Variants in SHANK2 observed in about 807,000 individuals in gnomAD.
SHANK2 encodes SH3 and multiple ankyrin repeat domains protein 2.
SHANK2 carries 43 observed loss-of-function variants against 133.7 expected under a neutral mutation model. The ratio of observed to expected loss-of-function variants is 0.32; its 90% CI spans 0.25 to 0.41. SHANK2 has a LOEUF of 0.41. SHANK2 is among the 10% of genes least tolerant of loss of function. SHANK2 has a pLI of 1.00. For missense variants in SHANK2, 1,994 were observed against 2,235.8 expected, an observed-to-expected ratio of 0.89 and a Z score of 2.18; for synonymous variants, 1,017 against 952.8, an observed-to-expected ratio of 1.07 and a Z score of -1.24.
chr11:71,182,323 A>C (rs1414243343), intron 2 of SHANK2, among the ~76,000 whole-genome samples: 1 of 152,208 alleles, frequency 6.6e-6, no homozygotes, highest in Non-Finnish European at 1.5e-5. Flanking sequence ...TAGATGGAAC[A>C]GCCTTGAAGA....
chr11:70,472,869 T>C lies in SHANK2; in HGVS notation c.5550A>G (p.Ter1850=), dbSNP rs1177523841. 3.7e-6 allele frequency: 6 copies of C among 1,613,920 alleles called. No homozygotes were observed. The highest frequency in any genetic ancestry group is 5.1e-6 in the Non-Finnish European group (6 of 1,179,770). Residue 1850 remains the stop codon, a stop_retained_variant, in exon 26 of 26, where the codon TAA becomes TAG. Coordinates refer to ENST00000601538, the MANE Select transcript of SHANK2 (RefSeq NM_012309.5). This position sits in a 1 kb window ranked among gnomAD's most constrained non-coding sequence, Gnocchi z 4.4. The part of the protein sequence containing the change: ...ERALKQLLDR[*] ...TCTGCGAGGTGGAGAGCAGCCGTCC[T>C]TATCTGTCCAGCAGCTGTTTCAAAG...
chr11:71,081,827 A>G (rs1346969437), intron 8 of SHANK2, among the ~76,000 whole-genome samples: 4 of 152,202 alleles, frequency 2.6e-5, no homozygotes, highest in African/African-American at 9.6e-5. Flanking sequence ...CACGGGGGCC[A>G]CAGAGGCTCG....
chr11:70,710,631 G>A (rs1219074688), intron 14 of SHANK2, among the ~76,000 whole-genome samples: 2 of 152,238 alleles, frequency 1.3e-5, no homozygotes, highest in Admixed American at 6.5e-5. Flanking sequence ...TCTGGCGGGT[G>A]GCAGAAGGGG....
chr11:70,870,950 G>C (rs1949449742), intron 11 of SHANK2, among the ~76,000 whole-genome samples: 2 of 152,122 alleles, frequency 1.3e-5, no homozygotes, highest in African/African-American at 2.4e-5. Context: ...GCTAATCTTT[G>C]TATTTTTAGT....
At chr11:70,720,751 A>G (rs1555028866) in intron 14 of SHANK2, among the ~76,000 whole-genome samples, 1 of 136,242 alleles carries the variant, frequency 7.3e-6, no homozygotes, top group Non-Finnish European at 1.6e-5. Context: ...GTGAACATAC[A>G]CACACACATT....
At chr11:70,755,519 CAGAG>C (rs1946848803) in intron 14 of SHANK2, among the ~76,000 whole-genome samples, 1 of 152,222 alleles carries the variant, frequency 6.6e-6, no homozygotes, top group African/African-American at 2.4e-5. Flanking sequence ...GGCACCCGGG[CAGAG>C]CCAGTGGCTT....
intron 10 of SHANK2, among the ~76,000 whole-genome samples, chr11:70,911,416 A>G (rs1950190302): frequency 6.6e-6 from 1 of 152,158 alleles, no homozygotes. Flanking sequence ...TTCTCAGAGC[A>G]GGGGGTTAGC....
intron 11 of SHANK2, among the ~76,000 whole-genome samples, chr11:70,880,904 T>A (rs1305595092): frequency 1.3e-5 from 2 of 152,238 alleles, no homozygotes; most frequent in Non-Finnish European, 2.9e-5. Flanking sequence ...GCTGGGTCTG[T>A]GAGTCATGAG....
At chr11:70,919,541 C>A (rs1471349172) in intron 10 of SHANK2, among the ~76,000 whole-genome samples, 2 of 152,224 alleles carry the variant, frequency 1.3e-5, no homozygotes, top group African/African-American at 4.8e-5. Flanking sequence ...TACCACTACA[C>A]CTGGCTAATT....
chr11:71,118,819 T>C lies in SHANK2; in HGVS notation c.411+10A>G. 1 of 1,539,152 alleles carries C rather than the reference T, an allele frequency of 6.5e-7. No individual in the cohort carries two copies. Among genetic ancestry groups the C allele is most frequent in the Non-Finnish European group, 8.8e-7 (1 of 1,140,300 alleles). On this transcript the variant is annotated intron_variant, in intron 4 of 25. Transcript: ENST00000601538. ...CAACCACAGTCCATGCACTGTGGGC[T>C]GAAATATACCTCCAGGGAAGGAACG... is the stretch of plus-strand genomic sequence containing the variant.
intron 11 of SHANK2, among the ~76,000 whole-genome samples, chr11:70,821,566 C>G (rs1038778284): frequency 1.3e-5 from 2 of 152,152 alleles, no homozygotes; most frequent in African/African-American, 4.8e-5. Context: ...GCTGGGATTA[C>G]AGGTGCCCGC....
chr11:70,793,324 G>A (rs782615507), intron 14 of SHANK2, among the ~76,000 whole-genome samples: 1 of 152,184 alleles, frequency 6.6e-6, no homozygotes, highest in African/African-American at 2.4e-5. Context: ...GGGACTTGAG[G>A]TGGATTTTGG....
intron 17 of SHANK2, among the ~76,000 whole-genome samples, chr11:70,596,616 C>T (rs1472811158): frequency 6.6e-6 from 1 of 152,236 alleles, no homozygotes; most frequent in Admixed American, 6.5e-5. Flanking sequence ...AGCAGGGCAA[C>T]TGCCAGGACA....
At chr11:71,135,746 G>A (rs12292090) in intron 3 of SHANK2, among the ~76,000 whole-genome samples, 14,790 of 151,976 alleles carry the variant, frequency 0.097, 1,784 homozygotes, top group African/African-American at 0.29. Context: ...ATGAGCCACC[G>A]TGCCCAGCCG....
intron 3 of SHANK2, among the ~76,000 whole-genome samples, chr11:71,141,505 C>CAA (rs1555105797): frequency 6.6e-6 from 1 of 151,992 alleles, no homozygotes; most frequent in African/African-American, 2.4e-5. Context: ...GAGACTCTTT[C>CAA]TCAAACAAAC....
intron 17 of SHANK2, among the ~76,000 whole-genome samples, chr11:70,647,745 G>A (rs2061284568): frequency 6.6e-6 from 1 of 152,164 alleles, no homozygotes; most frequent in African/African-American, 2.4e-5. Context: ...CTTAACAAAA[G>A]GGGACAGGAC....
chr11:70,660,443 G>A (rs1422125603), intron 16 of SHANK2, among the ~76,000 whole-genome samples: 2 of 152,196 alleles, frequency 1.3e-5, no homozygotes, highest in Non-Finnish European at 2.9e-5. Context: ...TTTGGAATGT[G>A]CTCATGAGTC....
intron 2 of SHANK2, among the ~76,000 whole-genome samples, chr11:71,157,704 G>A (rs1555109305): frequency 1.3e-5 from 2 of 152,172 alleles, no homozygotes; most frequent in South Asian, 2.1e-4. Context: ...AGTTTTCTTA[G>A]AGCAGAATTC....
chr11:70,540,922 C>T (rs1455811544), intron 17 of SHANK2, among the ~76,000 whole-genome samples: 2 of 151,588 alleles, frequency 1.3e-5, no homozygotes, highest in Non-Finnish European at 2.9e-5. Context: ...ACTGAACACA[C>T]AATGTCCAGA....
Sources: gnomAD v4.1 joint callset for allele counts (sites outside exome capture counted in the v4.1 genomes callset) on GRCh38, gnomAD v4.1.1 for gene constraint, Gnocchi (gnomAD v3.1) non-coding constraint, MANE v1.5 for transcripts, NCBI Gene and HGNC (gene_info 2026-07-23, HGNC 2026-07-21) for gene names.